The following TRHDE variants were observed in gnomAD, a reference collection of about 807,000 sequenced individuals.
The protein encoded by TRHDE is thyrotropin releasing hormone degrading enzyme.
Under a neutral mutation model 125.7 loss-of-function variants are expected in TRHDE, and 72 were observed. The ratio of observed to expected loss-of-function variants is 0.57; its 90% confidence interval spans 0.47 to 0.70. TRHDE has a LOEUF of 0.70. Among genes scored for constraint, TRHDE ranks in the 30% least tolerant of loss-of-function variants. TRHDE has a pLI of 0.00. For synonymous variants in TRHDE, 509 were observed against 509.1 expected (o/e 1.00, Z 0.00); for missense variants, 1,110 against 1,327.1 (o/e 0.84, Z 2.54).
In TRHDE at chr12:72,562,838, T is replaced by C; in HGVS notation, c.1855-15T>C. On this transcript the variant is annotated splice_polypyrimidine_tract_variant and intron_variant, in intron 8 of 18. Coordinates refer to ENST00000261180, the MANE Select transcript of TRHDE (RefSeq NM_013381.3). ...CATGTTTATAAAACTAATTTGTACA[T>C]TTTTCCTTGTGAAGGCTTTAAAAAG... The C allele has an allele frequency of 6.6e-7, 1 of 1,508,712 alleles. No homozygotes were observed. The highest frequency in any genetic ancestry group is 8.9e-7 in the Non-Finnish European group (1 of 1,121,552). The allele number at this position is 1,508,712 out of a possible 1,614,324, so 93.5% of individuals were successfully genotyped here.
At chr12:72,469,037 T>A (rs1321234592) in intron 3 of TRHDE, among the ~76,000 whole-genome samples, 1 of 152,162 alleles carries the variant, frequency 6.6e-6, no homozygotes, top group Non-Finnish European at 1.5e-5. Context: ...AGTCATCTAA[T>A]CATAGATATT....
intron 2 of TRHDE, among the ~76,000 whole-genome samples, chr12:72,330,293 C>G (rs1257685334): frequency 1.3e-5 from 2 of 151,444 alleles, no homozygotes; most frequent in East Asian, 1.9e-4. Context: ...CCCTACCCCC[C>G]ACCTCCCAAT....
intron 2 of TRHDE, among the ~76,000 whole-genome samples, chr12:72,361,267 G>A (rs1379298919): frequency 6.6e-6 from 1 of 151,692 alleles, no homozygotes; most frequent in East Asian, 1.9e-4. Flanking sequence ...ATTTATTCAG[G>A]TGTTTTGTTA....
chr12:72,420,253 G>GT (rs1011015165), intron 3 of TRHDE, among the ~76,000 whole-genome samples: 2 of 152,138 alleles, frequency 1.3e-5, no homozygotes, highest in Admixed American at 6.5e-5. Flanking sequence ...TATCTAGGCA[G>GT]TCCAGCCCTA....
chr12:72,382,042 A>AG (rs1218547987), intron 3 of TRHDE, among the ~76,000 whole-genome samples: 4 of 152,170 alleles, frequency 2.6e-5, no homozygotes, highest in African/African-American at 7.2e-5. Flanking sequence ...AACAGGAGCA[A>AG]GGGGGACTGG....
At chr12:72,230,139 C>G (rs549317756) in intron 2 of TRHDE, among the ~76,000 whole-genome samples, 4 of 152,006 alleles carry the variant, frequency 2.6e-5, no homozygotes, top group Admixed American at 6.6e-5. Flanking sequence ...GGCCTTAAGA[C>G]CTAAAGAGCT....
At chr12:72,631,691 AT>A (rs1287056901) in intron 15 of TRHDE, among the ~76,000 whole-genome samples, 2 of 151,942 alleles carry the variant, frequency 1.3e-5, no homozygotes, top group Non-Finnish European at 2.9e-5. Context: ...AGAGAATTGT[AT>A]TTTGAGCAAT....
At chr12:72,205,316 C>T (rs961108995) in intron 2 of TRHDE, among the ~76,000 whole-genome samples, 6 of 150,432 alleles carry the variant, frequency 4.0e-5, no homozygotes, top group African/African-American at 7.4e-5. Flanking sequence ...CCCTTCCCTT[C>T]GTGTACCAAA....
chr12:72,254,550 TCCTTTTTTCTTCAAA>T (rs778690300), intron 2 of TRHDE: 11 of 152,328 alleles, frequency 7.2e-5, no homozygotes, highest in Middle Eastern at 3.4e-3. Flanking sequence ...TATATCCTTT[TCCTTTTTTCTTCAAA>T]CCTTTAACAC....
intron 2 of TRHDE, among the ~76,000 whole-genome samples, chr12:72,374,475 T>C (rs1871782524): frequency 6.6e-6 from 1 of 152,114 alleles, no homozygotes; most frequent in Admixed American, 6.6e-5. Flanking sequence ...ATGACATTTA[T>C]GGCCATGAGA....
intron 12 of TRHDE, among the ~76,000 whole-genome samples, chr12:72,595,781 AATAAG>A (rs1177112951): frequency 7.2e-5 from 11 of 152,146 alleles, no homozygotes; most frequent in Non-Finnish European, 1.5e-4. Context: ...TTGAACATTA[AATAAG>A]ATATTATAAT....
chr12:72,293,241 G>C (rs1000590735), intron 2 of TRHDE, among the ~76,000 whole-genome samples: 1 of 151,900 alleles, frequency 6.6e-6, no homozygotes, highest in African/African-American at 2.4e-5. Context: ...GTAGATTCTG[G>C]ATATTAGTTC....
intron 2 of TRHDE, among the ~76,000 whole-genome samples, chr12:72,353,465 G>C (rs1592563781): frequency 6.6e-6 from 1 of 151,560 alleles, no homozygotes; most frequent in East Asian, 2.0e-4. Flanking sequence ...GATAATGACA[G>C]CTAACATTTT....
chr12:72,110,612 T>C (rs1007714076), intron 2 of TRHDE, among the ~76,000 whole-genome samples: 19 of 152,148 alleles, frequency 1.2e-4, no homozygotes, highest in Admixed American at 3.9e-4. Flanking sequence ...TTTTAAACTT[T>C]ATCGAATATC....
At chr12:72,216,659 C>T (rs1181613014) in intron 2 of TRHDE, among the ~76,000 whole-genome samples, 4 of 152,130 alleles carry the variant, frequency 2.6e-5, no homozygotes, top group South Asian at 2.1e-4. Flanking sequence ...TAGTTTTGTA[C>T]GCTTGACAAT....
intron 2 of TRHDE, among the ~76,000 whole-genome samples, chr12:72,137,170 C>G (rs1165295084): frequency 6.6e-6 from 1 of 152,152 alleles, no homozygotes; most frequent in Non-Finnish European, 1.5e-5. Flanking sequence ...TTTTGGACCC[C>G]AAGCTTGTGA....
intron 3 of TRHDE, among the ~76,000 whole-genome samples, chr12:72,404,536 T>G (rs1388771602): frequency 6.6e-6 from 1 of 152,164 alleles, no homozygotes; most frequent in East Asian, 1.9e-4. Context: ...TTCACATGAC[T>G]GGGGAGGCCT....
intron 12 of TRHDE, among the ~76,000 whole-genome samples, chr12:72,598,529 A>G (rs1872074027): frequency 6.6e-6 from 1 of 152,154 alleles, no homozygotes; most frequent in African/African-American, 2.4e-5. Context: ...CTGGAAACCT[A>G]TGCGTTAACA....
At chr12:72,562,098 G>T in intron 7 of TRHDE, 67 bp from the exon 8 acceptor site, 1 of 669,948 alleles carries the variant, frequency 1.5e-6, no homozygotes, top group Non-Finnish European at 2.6e-6. Flanking sequence ...TATTAATTGA[G>T]AAATAAATGT....
Sources: gnomAD v4.1 joint callset for allele counts (sites outside exome capture counted in the v4.1 genomes callset) on GRCh38, gnomAD v4.1.1 for gene constraint, MANE v1.5 for transcripts, NCBI Gene and HGNC (gene_info 2026-07-23, HGNC 2026-07-21) for gene names.